The following RBM33 variants were observed in gnomAD, a reference collection of about 807,000 sequenced individuals.
RBM33 encodes the protein RNA-binding protein 33.
A neutral mutation model predicts 132.6 loss-of-function variants in RBM33; 28 were observed. The observed-to-expected ratio is 0.21, with a 90% CI of 0.16 to 0.29. The LOEUF is 0.29. RBM33 is among the 10% of genes least tolerant of loss of function. The pLI is 1.00. For missense variants in RBM33, 1,291 were observed against 1,518.5 expected (o/e 0.85, Z 2.49); for synonymous variants, 634 against 593.0 (o/e 1.07, Z -1.01).
chr7:155,747,161 A>G (rs371775916), intron 14 of RBM33, among the ~76,000 whole-genome samples: 6 of 152,232 alleles, frequency 3.9e-5, no homozygotes, highest in Non-Finnish European at 8.8e-5. Context: ...TCTCACATCT[A>G]TTCGTTGTAA....
intron 9 of RBM33, among the ~76,000 whole-genome samples, chr7:155,725,052 T>G (rs6977543): frequency 0.037 from 5,638 of 150,980 alleles, 351 homozygotes; most frequent in African/African-American, 0.13. Flanking sequence ...ATTTTTTTTG[T>G]GAACATAAGT....
chr7:155,682,209 C>A lies in RBM33; in HGVS notation c.567+1301C>A, dbSNP rs955136567. On this transcript the variant is annotated intron_variant, in intron 5 of 17. Coordinates refer to ENST00000401878, the MANE Select transcript of RBM33 (RefSeq NM_053043.3). Reference sequence around the variant, plus strand: ...GTGCTGGGATTACAGGCATGAGCCTCGGTGCCTGGCCCTCAATAGTTTTAA... The same window carrying A: ...GTGCTGGGATTACAGGCATGAGCCTAGGTGCCTGGCCCTCAATAGTTTTAA... Among the ~76,000 whole-genome samples the A allele has an allele frequency of 1.1e-4, 16 of 152,288 alleles. 1 individual carries two copies. In the East Asian group the frequency reaches 3.1e-3, roughly 29 times the overall value.
rs145581789 is a variant in RBM33, at chr7:155,766,431, T to G, written c.3187-36T>G. ...TAGTGACTATCGAAGAAGCTCAGGC[T>G]TGAAACTCTGAATGTATTTCCTTTG... On this transcript the variant is annotated intron_variant, in intron 15 of 17. Transcript: ENST00000401878. The G allele has an allele frequency of 4.4e-3, 7,119 of 1,607,796 alleles. 27 individuals carry two copies. Among genetic ancestry groups the G allele is most frequent in the South Asian group, 7.2e-3 (651 of 90,334 alleles).
intron 9 of RBM33, among the ~76,000 whole-genome samples, chr7:155,731,148 A>G (rs192593965): frequency 2.5e-4 from 38 of 152,298 alleles, no homozygotes; most frequent in African/African-American, 8.7e-4. Flanking sequence ...AGGCCAGTCT[A>G]CTTTCCCAGT....
At chr7:155,716,316 G>GTTTTGTTTTT (rs1554477958) in intron 8 of RBM33, among the ~76,000 whole-genome samples, 4 of 102,382 alleles carry the variant, frequency 3.9e-5, no homozygotes, top group African/African-American at 1.6e-4. Context: ...CTTTTCTGCT[G>GTTTTGTTTTT]TTTTTTTTTT....
chr7:155,740,631 A>T (rs1801301042), intron 12 of RBM33, among the ~76,000 whole-genome samples: 1 of 152,240 alleles, frequency 6.6e-6, no homozygotes, highest in Non-Finnish European at 1.5e-5. Flanking sequence ...GCATTAAAAG[A>T]AACTGGGAAA....
At chr7:155,699,043 C>T (rs1227906884) in intron 5 of RBM33, among the ~76,000 whole-genome samples, 1 of 152,088 alleles carries the variant, frequency 6.6e-6, no homozygotes, top group Non-Finnish European at 1.5e-5. Context: ...CATCTTTATC[C>T]TCTTTAGATT....
chr7:155,688,736 G>A (rs763057657), intron 5 of RBM33, among the ~76,000 whole-genome samples: 3 of 151,582 alleles, frequency 2.0e-5, no homozygotes, highest in African/African-American at 7.3e-5. Flanking sequence ...TGAGATAATC[G>A]TGGTTTTTGT....
intron 2 of RBM33, among the ~76,000 whole-genome samples, chr7:155,670,815 A>G (rs1798924525): frequency 6.6e-6 from 1 of 152,218 alleles, no homozygotes. Flanking sequence ...ATTAGTCATG[A>G]AACAAGTACT....
chr7:155,675,293 C>CAAA (rs71881256), intron 3 of RBM33, among the ~76,000 whole-genome samples: 118 of 128,742 alleles, frequency 9.2e-4, no homozygotes, highest in African/African-American at 1.5e-3. Context: ...GACTCCGTCT[C>CAAA]AAAAAAAAAA....
chr7:155,680,561 C>CTT (rs147986860), intron 4 of RBM33, 29 bp from the exon 5 acceptor site: 38 of 1,097,348 alleles, frequency 3.5e-5, no homozygotes, highest in South Asian at 5.3e-5. Context: ...TCATTGGGTG[C>CTT]TTTTTTTTTT....
chr7:155,761,102 T>C (rs1802021995), intron 14 of RBM33, among the ~76,000 whole-genome samples: 1 of 152,198 alleles, frequency 6.6e-6, no homozygotes, highest in Admixed American at 6.5e-5. Flanking sequence ...CTTTGTGTAG[T>C]GTGTTCCCTT....
In RBM33 at chr7:155,779,089, C is replaced by T. The variant is rs536180080; in HGVS notation, c.*4048C>T. ...CTTTCGTGGTGCTCTTCCTGGGATTCGTTTTTTTATTACCCTCCCTCCCTA... is the reference window on the plus strand; with the variant it reads ...CTTTCGTGGTGCTCTTCCTGGGATTTGTTTTTTTATTACCCTCCCTCCCTA... On this transcript the variant is annotated 3_prime_UTR_variant, in exon 18 of 18. Transcript: ENST00000401878. 4.6e-5 allele frequency: 7 copies of T among 152,034 alleles called. No homozygotes were observed. The highest frequency in any genetic ancestry group is 1.7e-4 in the African/African-American group (7 of 41,352). 9.4% of individuals were successfully genotyped at this position (152,034 alleles called of 1,614,324 possible).
intron 1 of RBM33, among the ~76,000 whole-genome samples, chr7:155,653,310 A>C (rs865850866): frequency 6.6e-6 from 1 of 152,114 alleles, no homozygotes; most frequent in South Asian, 2.1e-4. Flanking sequence ...CATAGATTCT[A>C]TTTCTAAATA....
chr7:155,766,043 A>G (rs1319995040), intron 15 of RBM33, among the ~76,000 whole-genome samples: 1 of 152,162 alleles, frequency 6.6e-6, no homozygotes, highest in Non-Finnish European at 1.5e-5. Context: ...AGCACTGTGC[A>G]CAGCAGGTCC....
At chr7:155,715,544 A>C (rs1469151740) in intron 8 of RBM33, among the ~76,000 whole-genome samples, 2 of 152,316 alleles carry the variant, frequency 1.3e-5, no homozygotes, top group Non-Finnish European at 2.9e-5. Flanking sequence ...GTGATTTAGC[A>C]ACTACTCCAA....
intron 14 of RBM33, among the ~76,000 whole-genome samples, chr7:155,753,873 T>C (rs1801763594): frequency 6.6e-6 from 1 of 152,192 alleles, no homozygotes; most frequent in Non-Finnish European, 1.5e-5. Flanking sequence ...AACAGGCAAA[T>C]AGCAAAAGAG....
intron 15 of RBM33, 71 bp from the exon 16 acceptor site, chr7:155,766,396 T>A: frequency 6.7e-7 from 1 of 1,503,478 alleles, no homozygotes; most frequent in Non-Finnish European, 9.0e-7. Flanking sequence ...ATTTGTTCAC[T>A]TTTATATCTT....
chr7:155,766,795 T>C (rs1802236156), intron 16 of RBM33, 140 bp downstream of exon 16: 1 of 781,062 alleles, frequency 1.3e-6, no homozygotes, highest in East Asian at 2.7e-5. Context: ...AATAACCTGT[T>C]GTGCATACTT....
Sources: allele counts gnomAD v4.1 joint callset (sites outside exome capture counted in the v4.1 genomes callset), GRCh38; gene constraint gnomAD v4.1.1; transcripts MANE v1.5; gene names NCBI Gene and HGNC (gene_info 2026-07-23, HGNC 2026-07-21).